Variants in GRIK4 observed in about 807,000 individuals in gnomAD.
GRIK4 encodes the protein glutamate receptor ionotropic, kainate 4.
Under a neutral mutation model 104.9 loss-of-function variants are expected in GRIK4, and 40 were observed. The observed-to-expected ratio is 0.38, with a 90% confidence interval of 0.30 to 0.50. GRIK4 has a LOEUF of 0.50. Ranked by LOEUF, GRIK4 falls within the 20% of genes least tolerant of loss-of-function variation. The pLI is 0.93. For synonymous variants in GRIK4, 485 were observed against 524.9 expected, an observed-to-expected ratio of 0.92 and a Z score of 1.04; for missense variants, 1,047 against 1,308.1, an observed-to-expected ratio of 0.80 and a Z score of 3.08.
intron 16 of GRIK4, among the ~76,000 whole-genome samples, chr11:120,959,791 A>G (rs964228131): frequency 2.0e-5 from 3 of 152,246 alleles, no homozygotes; most frequent in African/African-American, 7.2e-5. Flanking sequence ...CCAGCCTTTC[A>G]GCAGTTCAAA....
At position 120,617,121 on chromosome 11, in the gene GRIK4, G is replaced by A. The variant is rs571475363; in HGVS notation, c.-158-36564G>A. ...GTAAGTAGTGATGTGTGTTTCTCTG[G>A]GCAAGAGCGTAAAACCTTCAGCCAG... On this transcript the variant is annotated intron_variant, in intron 1 of 20. Coordinates refer to ENST00000527524, the MANE Select transcript of GRIK4 (RefSeq NM_014619.5). Among the ~76,000 whole-genome samples, 6 of 152,228 alleles carry A rather than the reference G, an allele frequency of 3.9e-5. No individual in the cohort carries two copies. In the East Asian group the frequency reaches 1.2e-3, roughly 29 times the overall value.
intron 1 of GRIK4, among the ~76,000 whole-genome samples, chr11:120,633,933 C>CG (rs979983318): frequency 6.6e-6 from 1 of 152,034 alleles, no homozygotes; most frequent in African/African-American, 2.4e-5. Flanking sequence ...TCTGTGAGCA[C>CG]GGGGGTGGGA....
intron 3 of GRIK4, among the ~76,000 whole-genome samples, chr11:120,786,967 G>A (rs1210503210): frequency 2.6e-5 from 4 of 152,270 alleles, no homozygotes; most frequent in Middle Eastern, 3.4e-3. Context: ...TGAAGTTCTG[G>A]TATGAAAACA....
At chr11:120,825,926 T>C (rs4076169) in intron 6 of GRIK4, among the ~76,000 whole-genome samples, 19,942 of 152,028 alleles carry the variant, frequency 0.13, 2,288 homozygotes, top group African/African-American at 0.31. Flanking sequence ...GTAACCAGGA[T>C]GGTAGTGGGC....
chr11:120,819,146 T>G lies in GRIK4; in HGVS notation c.346-609T>G, dbSNP rs1456142764. Among the ~76,000 whole-genome samples the G allele has an allele frequency of 6.6e-6, 1 of 152,186 alleles. No individual in the cohort carries two copies. The highest frequency in any genetic ancestry group is 1.5e-5 in the Non-Finnish European group (1 of 68,026). On this transcript the variant is annotated intron_variant, in intron 5 of 20. Transcript: ENST00000527524. The surrounding 1 kb of genome is among the most constrained non-coding windows in gnomAD (Gnocchi z 4.3). ...TACCTGGCTGTGTTCAGAGGTTCTC[T>G]AGATGGTTTCTCCGCCTGCAGGGCT...
intron 3 of GRIK4, among the ~76,000 whole-genome samples, chr11:120,666,090 C>T (rs1257840202): frequency 6.6e-6 from 1 of 152,172 alleles, no homozygotes; most frequent in Non-Finnish European, 1.5e-5. Context: ...TTGGTGAATG[C>T]CCTTTTGGTG....
Position 120,967,726 on chromosome 11 carries a change from G to C in GRIK4, c.2395+403G>C, listed in dbSNP as rs1314001678. On this transcript the variant is annotated intron_variant, in intron 19 of 20. Coordinates refer to ENST00000527524, the MANE Select transcript of GRIK4 (RefSeq NM_014619.5). This position sits in a 1 kb window ranked among gnomAD's most constrained non-coding sequence, Gnocchi z 4.2. ...TGATCCTTTTTAAAAATGCAAACTCGATGGCAGCATTCCCCCCACAAACCT... is the reference window on the plus strand; with the variant it reads ...TGATCCTTTTTAAAAATGCAAACTCCATGGCAGCATTCCCCCCACAAACCT... Among the ~76,000 whole-genome samples, 1 of 152,014 alleles carries C rather than the reference G, an allele frequency of 6.6e-6. No individual in the cohort carries two copies. The highest frequency in any genetic ancestry group is 1.5e-5 in the Non-Finnish European group (1 of 68,014).
intron 1 of GRIK4, among the ~76,000 whole-genome samples, chr11:120,592,140 T>A (rs192418544): frequency 1.3e-5 from 2 of 152,248 alleles, no homozygotes; most frequent in East Asian, 3.9e-4. Context: ...AAATCAGAGA[T>A]CTTTTGGTTT....
At chr11:120,729,863 C>T (rs1292610681) in intron 3 of GRIK4, among the ~76,000 whole-genome samples, 1 of 152,096 alleles carries the variant, frequency 6.6e-6, no homozygotes, top group East Asian at 1.9e-4. Context: ...GAGAGTTTCT[C>T]CAGTGTTTTC....
At position 120,853,143 on chromosome 11, in the gene GRIK4, A is replaced by G. The variant is rs900592651; in HGVS notation, c.745-8816A>G. 4.6e-5 allele frequency among the ~76,000 whole-genome samples: 7 copies of G among 152,232 alleles called. No homozygotes were observed. In the Middle Eastern group the frequency reaches 0.01, roughly 222 times the overall value. On this transcript the variant is annotated intron_variant, in intron 8 of 20. Transcript: ENST00000527524. ...GCTCCAAGTGATGACAGGTATGTAG[A>G]TGAGGTGTAAAGGGGGCATGATTGA...
intron 3 of GRIK4, among the ~76,000 whole-genome samples, chr11:120,783,296 C>G (rs1591907786): frequency 6.6e-6 from 1 of 152,208 alleles, no homozygotes; most frequent in Admixed American, 6.5e-5. Context: ...GTGCGTGCAT[C>G]AAACTCTGCT....
chr11:120,866,557 A>C (rs935130412), intron 9 of GRIK4, among the ~76,000 whole-genome samples: 1 of 152,168 alleles, frequency 6.6e-6, no homozygotes, highest in African/African-American at 2.4e-5. Context: ...AGGCCTCAGC[A>C]TCTTATGCTC....
chr11:120,882,495 G>C (rs1226859432), intron 11 of GRIK4, among the ~76,000 whole-genome samples: 1 of 152,300 alleles, frequency 6.6e-6, no homozygotes, highest in East Asian at 1.9e-4. Context: ...GAACCAGTGG[G>C]AGTGACTTTG....
Position 120,561,670 on chromosome 11 carries a change from G to A in GRIK4, c.-159+49783G>A, listed in dbSNP as rs547662636. 4.6e-5 allele frequency among the ~76,000 whole-genome samples: 7 copies of A among 152,334 alleles called. No individual in the cohort carries two copies. In the East Asian group the frequency reaches 7.7e-4, roughly 17 times the overall value. On this transcript the variant is annotated intron_variant, in intron 1 of 20. Coordinates refer to ENST00000527524, the MANE Select transcript of GRIK4 (RefSeq NM_014619.5). ...AGGGGTCGGGAAACAGCAAAGAGAA[G>A]GCGATGTGGGTAAGGCCTCTTTACT...
At chr11:120,680,595 T>C (rs1412454223) in intron 3 of GRIK4, among the ~76,000 whole-genome samples, 1 of 149,332 alleles carries the variant, frequency 6.7e-6, no homozygotes, top group Non-Finnish European at 1.5e-5. Context: ...GTCAAGTGAA[T>C]GTAGGAATGA....
chr11:120,703,078 G>A (rs1294092999), intron 3 of GRIK4, among the ~76,000 whole-genome samples: 1 of 152,164 alleles, frequency 6.6e-6, no homozygotes, highest in Non-Finnish European at 1.5e-5. Context: ...TCTCGATGAT[G>A]GCAATGTTCT....
intron 3 of GRIK4, among the ~76,000 whole-genome samples, chr11:120,714,729 A>C (rs1263185301): frequency 6.6e-6 from 1 of 152,186 alleles, no homozygotes; most frequent in African/African-American, 2.4e-5. Flanking sequence ...GGGGACATGG[A>C]ACAGTGCTTT....
At chr11:120,692,003 T>C (rs925358896) in intron 3 of GRIK4, among the ~76,000 whole-genome samples, 1 of 152,208 alleles carries the variant, frequency 6.6e-6, no homozygotes, top group African/African-American at 2.4e-5. Flanking sequence ...ATGATGTGCA[T>C]GTGGTTGGAT....
intron 1 of GRIK4, among the ~76,000 whole-genome samples, chr11:120,600,528 G>A (rs1363315518): frequency 1.8e-4 from 28 of 152,124 alleles, no homozygotes; most frequent in Non-Finnish European, 2.9e-5. Context: ...TGAACAGAGG[G>A]CTGAGGAGGG....
Sources: gnomAD v4.1 joint callset for allele counts (sites outside exome capture counted in the v4.1 genomes callset) on GRCh38, gnomAD v4.1.1 for gene constraint, Gnocchi (gnomAD v3.1) non-coding constraint, MANE v1.5 for transcripts, NCBI Gene and HGNC (gene_info 2026-07-23, HGNC 2026-07-21) for gene names.